The following LPP variants were observed in gnomAD, a reference collection of about 807,000 sequenced individuals.
LPP encodes the protein lipoma-preferred partner.
In LPP, 38 loss-of-function variants were observed where a neutral mutation model predicts 60.4. The ratio of observed to expected loss-of-function variants is 0.63; its 90% CI spans 0.49 to 0.83. The LOEUF (loss-of-function observed/expected upper bound fraction) is 0.83. Ranked by LOEUF, LPP falls within the 40% of genes least tolerant of loss-of-function variation. The probability of loss-of-function intolerance (pLI) is 0.00; values close to 1 mark genes in which losing one functional copy is unlikely to be tolerated. For missense variants in LPP, 902 were observed against 783.6 expected (o/e 1.15, Z -1.80); for synonymous variants, 328 against 290.8 (o/e 1.13, Z -1.30).
At chr3:188,317,453 T>C (rs1027727669) in intron 2 of LPP, among the ~76,000 whole-genome samples, 6 of 152,206 alleles carry the variant, frequency 3.9e-5, no homozygotes, top group Non-Finnish European at 7.3e-5. Flanking sequence ...GTAAAGGTGA[T>C]TTCCCATCTC....
intron 1 of LPP, among the ~76,000 whole-genome samples, chr3:188,165,467 C>T (rs1719657582): frequency 1.3e-5 from 2 of 151,996 alleles, no homozygotes; most frequent in Non-Finnish European, 2.9e-5. Flanking sequence ...GTGCATGGTG[C>T]CTTGAAAAAT....
chr3:188,844,450 T>C (rs934255832), intron 9 of LPP, among the ~76,000 whole-genome samples: 1 of 152,222 alleles, frequency 6.6e-6, no homozygotes, highest in African/African-American at 2.4e-5. Context: ...TCATTTTCAA[T>C]ACAAACTGCT....
intron 1 of LPP, among the ~76,000 whole-genome samples, chr3:188,210,102 A>G (rs142467062): frequency 3.8e-3 from 579 of 152,292 alleles, no homozygotes; most frequent in Non-Finnish European, 6.1e-3. Context: ...CCATAAAAAA[A>G]TACAAATAAA....
chr3:188,207,388 C>A (rs1006734627), intron 1 of LPP, among the ~76,000 whole-genome samples: 1 of 151,732 alleles, frequency 6.6e-6, no homozygotes, highest in Non-Finnish European at 1.5e-5. Flanking sequence ...CACACCACCA[C>A]GCCTGTTTAG....
chr3:188,381,180 G>T (rs1776781332), intron 3 of LPP, among the ~76,000 whole-genome samples: 1 of 114,620 alleles, frequency 8.7e-6, no homozygotes, highest in African/African-American at 2.9e-5. Context: ...GTTAACGTGT[G>T]ACACGAATGC....
chr3:188,582,153 T>TC (rs1836339362), intron 6 of LPP, among the ~76,000 whole-genome samples: 1 of 103,996 alleles, frequency 9.6e-6, no homozygotes. Context: ...TTTTTCTTTT[T>TC]CTTTTTTTTT....
At chr3:188,367,991 C>T (rs780792257) in intron 3 of LPP, among the ~76,000 whole-genome samples, 4 of 152,162 alleles carry the variant, frequency 2.6e-5, no homozygotes, top group Non-Finnish European at 5.9e-5. Flanking sequence ...AATATAAAGT[C>T]ATTTGGGCTA....
chr3:188,830,891 G>T (rs1756985402), intron 9 of LPP, among the ~76,000 whole-genome samples: 1 of 152,172 alleles, frequency 6.6e-6, no homozygotes, highest in Non-Finnish European at 1.5e-5. Flanking sequence ...CCAGCTGACT[G>T]TTGCTTCACA....
At chr3:188,278,204 G>A (rs976361649) in intron 2 of LPP, among the ~76,000 whole-genome samples, 5 of 152,232 alleles carry the variant, frequency 3.3e-5, no homozygotes, top group Non-Finnish European at 7.3e-5. Context: ...GGATGGATTA[G>A]AAAGGTTTAT....
intron 6 of LPP, among the ~76,000 whole-genome samples, chr3:188,532,969 A>T (rs1822587127): frequency 1.3e-5 from 2 of 152,176 alleles, no homozygotes. Context: ...GTCTATTTGG[A>T]AACTGAGTAC....
chr3:188,431,862 T>G lies in LPP; in HGVS notation c.193+25549T>G, dbSNP rs186885185. Among the ~76,000 whole-genome samples the G allele has an allele frequency of 3.0e-3, 464 of 152,322 alleles. 1 individual carries two copies. Among genetic ancestry groups the G allele is most frequent in the Non-Finnish European group, 4.6e-3 (312 of 68,030 alleles). ...ATGGAGTAAAATTGTTCCCATAGAA[T>G]ATCGTGAATTTAGTTAGGTTGTGAC... On this transcript the variant is annotated intron_variant, in intron 4 of 11. Transcript: ENST00000617246.
At chr3:188,539,848 A>G (rs1824668460) in intron 6 of LPP, among the ~76,000 whole-genome samples, 1 of 152,156 alleles carries the variant, frequency 6.6e-6, no homozygotes, top group Non-Finnish European at 1.5e-5. Flanking sequence ...GAATGATGCT[A>G]GGATTTCATG....
intron 4 of LPP, among the ~76,000 whole-genome samples, chr3:188,450,929 C>T (rs2149347707): frequency 6.6e-6 from 1 of 152,140 alleles, no homozygotes; most frequent in East Asian, 1.9e-4. Context: ...CTGTCGTGAG[C>T]ATTTTGTATA....
intron 6 of LPP, among the ~76,000 whole-genome samples, chr3:188,596,072 G>T (rs1452831797): frequency 6.6e-6 from 1 of 152,068 alleles, no homozygotes; most frequent in Non-Finnish European, 1.5e-5. Context: ...TATTTCTTCC[G>T]ATAGACATGG....
intron 2 of LPP, among the ~76,000 whole-genome samples, chr3:188,300,815 T>C (rs1342714635): frequency 2.6e-5 from 4 of 152,222 alleles, no homozygotes; most frequent in Admixed American, 2.0e-4. Flanking sequence ...TTTCTGTTGC[T>C]GGGCACATAT....
At chr3:188,545,252 AATTAAAAAAAAAAAC>A (rs1369426055) in intron 6 of LPP, among the ~76,000 whole-genome samples, 1 of 88,684 alleles carries the variant, frequency 1.1e-5, no homozygotes, top group Non-Finnish European at 2.3e-5. Context: ...CTTAAAGTAT[AATTAAAAAAAAAAAC>A]ATTAAAAAAA....
chr3:188,395,162 G>A (rs1289244682), intron 3 of LPP, among the ~76,000 whole-genome samples: 1 of 151,918 alleles, frequency 6.6e-6, no homozygotes, highest in Non-Finnish European at 1.5e-5. Flanking sequence ...TATTATTTGT[G>A]GATTAAAAAT....
chr3:188,420,851 G>A (rs776029574), intron 4 of LPP, among the ~76,000 whole-genome samples: 21 of 152,210 alleles, frequency 1.4e-4, no homozygotes, highest in African/African-American at 4.8e-4. Context: ...AAAGTGTAAC[G>A]TGTACACAAT....
chr3:188,486,514 C>T (rs1001052369), intron 5 of LPP, among the ~76,000 whole-genome samples: 7 of 151,916 alleles, frequency 4.6e-5, no homozygotes, highest in Non-Finnish European at 1.0e-4. Context: ...ACTGAGAAGG[C>T]GACGCTTAAA....
Sources: allele counts gnomAD v4.1 joint callset (sites outside exome capture counted in the v4.1 genomes callset), GRCh38; gene constraint gnomAD v4.1.1; transcripts MANE v1.5; gene names NCBI Gene and HGNC (gene_info 2026-07-23, HGNC 2026-07-21).